Variants in ZNF148 observed in about 807,000 individuals in gnomAD.
The protein encoded by ZNF148 is Beta-Enolase Repressor Factor-1.
ZNF148 carries 7 observed loss-of-function variants against 67.7 expected under a neutral mutation model. The ratio of observed to expected loss-of-function variants is 0.10; its 90% CI spans 0.06 to 0.19. The LOEUF is 0.19. Among genes scored for constraint, ZNF148 ranks in the 10% least tolerant of loss-of-function variants. ZNF148 has a pLI of 1.00. For synonymous variants in ZNF148, 333 were observed against 330.7 expected (o/e 1.01, Z -0.08); for missense variants, 583 against 947.1 (o/e 0.62, Z 5.05).
At chr3:125,362,302 G>GT (rs1942567495) in intron 1 of ZNF148, among the ~76,000 whole-genome samples, 1 of 151,864 alleles carries the variant, frequency 6.6e-6, no homozygotes, top group Non-Finnish European at 1.5e-5. Context: ...CTAAAATGCT[G>GT]TAACTTCATC....
chr3:125,262,247 G>C (rs893071114), intron 7 of ZNF148, among the ~76,000 whole-genome samples: 1 of 152,162 alleles, frequency 6.6e-6, no homozygotes, highest in Non-Finnish European at 1.5e-5. Flanking sequence ...TTAGATCCCT[G>C]ATATTTGCCT....
intron 1 of ZNF148, among the ~76,000 whole-genome samples, chr3:125,351,362 G>T (rs1164032212): frequency 7.9e-6 from 1 of 126,498 alleles, no homozygotes; most frequent in African/African-American, 3.0e-5. Context: ...CTGGGCCACA[G>T]AGTGAGACCT....
At chr3:125,344,530 A>G in intron 1 of ZNF148, 1 of 1,110,510 alleles carries the variant, frequency 9.0e-7, no homozygotes. Flanking sequence ...TGTGAAGCCA[A>G]ACTCAAATGG....
At chr3:125,374,305 T>C (rs2107808491) in intron 1 of ZNF148, among the ~76,000 whole-genome samples, 1 of 152,200 alleles carries the variant, frequency 6.6e-6, no homozygotes, top group African/African-American at 2.4e-5. Flanking sequence ...CTTCAGTACT[T>C]AGGCCAATAT....
At chr3:125,319,134 C>T (rs543242773) in intron 3 of ZNF148, among the ~76,000 whole-genome samples, 7 of 152,274 alleles carry the variant, frequency 4.6e-5, no homozygotes, top group South Asian at 2.1e-4. Context: ...TTAAAAAGAA[C>T]GTAAATTATC....
At chr3:125,374,081 A>C (rs1366299799) in intron 1 of ZNF148, among the ~76,000 whole-genome samples, 1 of 152,170 alleles carries the variant, frequency 6.6e-6, no homozygotes, top group Non-Finnish European at 1.5e-5. Flanking sequence ...CCATAGCCTA[A>C]GGAATCCCCA....
chr3:125,347,723 G>A lies in ZNF148; in HGVS notation c.-233-16485C>T, dbSNP rs139119742. Among the ~76,000 whole-genome samples the A allele has an allele frequency of 1.5e-4, 23 of 151,992 alleles. No homozygotes were observed. The East Asian group carries it at 4.5e-3, about 30-fold the overall frequency. On this transcript the variant is annotated intron_variant, in intron 1 of 8. Transcript: ENST00000360647. ...TATGTATTCTTTTTATAGAGGTGGG[G>A]TCTCATTATGTTGCCCAGGCTGGAC...
At chr3:125,304,390 T>C (rs1939762311) in intron 4 of ZNF148, among the ~76,000 whole-genome samples, 2 of 152,020 alleles carry the variant, frequency 1.3e-5, no homozygotes, top group Non-Finnish European at 2.9e-5. Context: ...GTGCAATGTA[T>C]CTAAGTAAGA....
chr3:125,312,266 T>C (rs142177191), intron 4 of ZNF148, among the ~76,000 whole-genome samples: 1 of 152,318 alleles, frequency 6.6e-6, no homozygotes, highest in Admixed American at 6.5e-5. Context: ...GGTATGAAAG[T>C]TGCTTCCATA....
Position 125,258,445 on chromosome 3 carries a change from A to AG in ZNF148, c.667+19280dup, listed in dbSNP as rs1553809016. On this transcript the variant is annotated intron_variant, in intron 7 of 8. Transcript: ENST00000360647. ...CTCAAAAAAAAAAAAAAAAAAAAAA[A>AG]GGGGGATAGCATCTTCCTATGTTAC... Among the ~76,000 whole-genome samples, 92 of 144,966 alleles carry AG rather than the reference A, an allele frequency of 6.3e-4. 1 individual carries two copies. The highest frequency in any genetic ancestry group is 7.5e-4 in the Admixed American group (11 of 14,684).
At chr3:125,347,730 T>C (rs1345563336) in intron 1 of ZNF148, among the ~76,000 whole-genome samples, 2 of 151,906 alleles carry the variant, frequency 1.3e-5, no homozygotes, top group South Asian at 4.2e-4. Flanking sequence ...GGGGTCTCAT[T>C]ATGTTGCCCA....
intron 1 of ZNF148, among the ~76,000 whole-genome samples, chr3:125,365,621 A>G (rs895744524): frequency 2.6e-5 from 4 of 152,190 alleles, no homozygotes; most frequent in Non-Finnish European, 1.5e-5. Flanking sequence ...GTTTGAGATC[A>G]GCCCAGGCAA....
intron 4 of ZNF148, among the ~76,000 whole-genome samples, chr3:125,310,309 A>C (rs1388899660): frequency 6.6e-6 from 1 of 152,034 alleles, no homozygotes; most frequent in African/African-American, 2.4e-5. Flanking sequence ...CAAACTCCTG[A>C]GCTCAAGTAA....
intron 1 of ZNF148, among the ~76,000 whole-genome samples, chr3:125,357,434 C>A (rs1172015216): frequency 6.6e-6 from 1 of 152,228 alleles, no homozygotes; most frequent in Non-Finnish European, 1.5e-5. Context: ...GTGCGGGGTT[C>A]GCCAGACGGT....
rs1935862952 is a variant in ZNF148, at chr3:125,231,746, ATTAC to A, written c.*591_*594del. On this transcript the variant is annotated 3_prime_UTR_variant, in exon 9 of 9. Coordinates refer to ENST00000360647, the MANE Select transcript of ZNF148 (RefSeq NM_021964.3). ...TGGAGTCTTAGACTATCAGATTTTT[ATTAC>A]TTTTTTTCCTTCAAAAAAACACGTC... 6.6e-6 allele frequency: 1 copy of A among 152,560 alleles called. No homozygotes were observed. Among genetic ancestry groups the A allele is most frequent in the African/African-American group, 2.4e-5 (1 of 41,434 alleles). 9.5% of individuals were successfully genotyped at this position (152,560 alleles called of 1,614,324 possible). A position where few individuals can be genotyped will look rare whatever the true frequency, so the allele number is the denominator to read the frequency against.
intron 4 of ZNF148, among the ~76,000 whole-genome samples, chr3:125,302,813 C>T (rs1183594380): frequency 6.6e-6 from 1 of 152,150 alleles, no homozygotes. Flanking sequence ...AAAGCACATA[C>T]ATTAAAATGT....
chr3:125,314,810 C>T (rs927146626), intron 3 of ZNF148: 6 of 152,204 alleles, frequency 3.9e-5, no homozygotes, highest in Admixed American at 1.3e-4. Flanking sequence ...GTAATTCCAA[C>T]ACTCTAGGAG....
Position 125,331,085 on chromosome 3 carries a change from G to T in ZNF148, c.-153+73C>A, listed in dbSNP as rs1475041260. The T allele has an allele frequency of 7.5e-6, 3 of 398,318 alleles. No homozygotes were observed. The East Asian group carries it at 1.1e-4, about 14-fold the overall frequency. The allele number at this position is 398,318 out of a possible 1,614,324, so 24.7% of individuals were successfully genotyped here. A position where few individuals can be genotyped will look rare whatever the true frequency, so the allele number is the denominator to read the frequency against. The stretch of plus-strand genomic sequence containing the variant: ...TGCACACTTATACCCAACAGTTATT[G>T]TAAGTATGTGTAGTAACATGGGCAT... On this transcript the variant is annotated intron_variant, in intron 2 of 8. Coordinates refer to ENST00000360647, the MANE Select transcript of ZNF148 (RefSeq NM_021964.3).
At chr3:125,366,313 T>G (rs1305971112) in intron 1 of ZNF148, among the ~76,000 whole-genome samples, 1 of 152,236 alleles carries the variant, frequency 6.6e-6, no homozygotes, top group Non-Finnish European at 1.5e-5. Context: ...AGCTTCTGTT[T>G]GCTTACCAAG....
Sources: allele counts gnomAD v4.1 joint callset (sites outside exome capture counted in the v4.1 genomes callset), GRCh38; gene constraint gnomAD v4.1.1; transcripts MANE v1.5; gene names NCBI Gene and HGNC (gene_info 2026-07-23, HGNC 2026-07-21).